GPD2: variants seen among roughly 807,000 people sequenced by gnomAD.
GPD2 encodes the protein glycerol-3-phosphate dehydrogenase 2.
A neutral mutation model predicts 82.4 loss-of-function variants in GPD2; 54 were observed. The ratio of observed to expected loss-of-function variants is 0.66; its 90% confidence interval spans 0.53 to 0.82. The LOEUF is 0.82. Among genes scored for constraint, GPD2 ranks in the 40% least tolerant of loss-of-function variants. GPD2 has a pLI of 0.00. For synonymous variants in GPD2, 288 were observed against 306.1 expected, an observed-to-expected ratio of 0.94 and a Z score of 0.62; for missense variants, 748 against 896.2, an observed-to-expected ratio of 0.83 and a Z score of 2.11.
intron 1 of GPD2, among the ~76,000 whole-genome samples, chr2:156,475,326 T>A (rs1290429296): frequency 6.6e-6 from 1 of 152,138 alleles, no homozygotes; most frequent in Non-Finnish European, 1.5e-5. Context: ...TTCTTATCTG[T>A]AAAGTATACT....
the GPD2 span, among the ~76,000 whole-genome samples, chr2:156,401,385 T>C: frequency 1.4e-5 from 2 of 142,404 alleles, no homozygotes; most frequent in Admixed American, 7.0e-5. Context: ...ATTTTCATTA[T>C]ACTACTTTAG....
intron 2 of GPD2, among the ~76,000 whole-genome samples, chr2:156,485,703 A>G (rs1164094931): frequency 1.3e-5 from 2 of 152,234 alleles, no homozygotes; most frequent in Non-Finnish European, 2.9e-5. Context: ...GCAATTACCC[A>G]GGAACCTATG....
At chr2:156,541,145 TGA>T (rs1686294594) in intron 6 of GPD2, among the ~76,000 whole-genome samples, 1 of 152,232 alleles carries the variant, frequency 6.6e-6, no homozygotes, top group South Asian at 2.1e-4. Flanking sequence ...CTTCCACAGC[TGA>T]GAGATCAAAC....
chr2:156,416,180 A>G, the GPD2 span, among the ~76,000 whole-genome samples: 2 of 151,812 alleles, frequency 1.3e-5, no homozygotes, highest in African/African-American at 4.8e-5. Context: ...ATACATATAT[A>G]TATATATGTA....
intron 2 of GPD2, among the ~76,000 whole-genome samples, chr2:156,477,106 A>G (rs1683540546): frequency 6.6e-6 from 1 of 152,140 alleles, no homozygotes; most frequent in African/African-American, 2.4e-5. Flanking sequence ...ATTGCTTGCA[A>G]TCCCATATCC....
chr2:156,417,571 G>A, the GPD2 span, among the ~76,000 whole-genome samples: 3 of 151,932 alleles, frequency 2.0e-5, no homozygotes, highest in African/African-American at 7.3e-5. Context: ...CTGTTAGTTC[G>A]TGAGATGCTT....
At chr2:156,421,120 G>T in the GPD2 span, among the ~76,000 whole-genome samples, 1 of 152,174 alleles carries the variant, frequency 6.6e-6, no homozygotes, top group Admixed American at 6.5e-5. Flanking sequence ...TAAGTTCCCA[G>T]GTGAAGCTTT....
chr2:156,518,610 T>C (rs951928524), intron 6 of GPD2, among the ~76,000 whole-genome samples: 12 of 152,202 alleles, frequency 7.9e-5, no homozygotes, highest in African/African-American at 2.7e-4. Context: ...TTTTAAGGTG[T>C]TGATTTTATC....
chr2:156,474,288 T>C (rs991653175), intron 1 of GPD2, among the ~76,000 whole-genome samples: 1 of 152,250 alleles, frequency 6.6e-6, no homozygotes, highest in East Asian at 1.9e-4. Context: ...ATCATAGTTA[T>C]CAACTATATT....
chr2:156,532,630 GCT>G (rs1685911025), intron 6 of GPD2, among the ~76,000 whole-genome samples: 1 of 152,140 alleles, frequency 6.6e-6, no homozygotes, highest in Non-Finnish European at 1.5e-5. Context: ...GATCCTAGCA[GCT>G]CTTTTATTGA....
chr2:156,555,718 T>A (rs1292970224), intron 8 of GPD2, among the ~76,000 whole-genome samples: 1 of 152,168 alleles, frequency 6.6e-6, no homozygotes, highest in African/African-American at 2.4e-5. Flanking sequence ...GAAAAAATAA[T>A]CATATTTAGA....
In GPD2 at chr2:156,582,999, T is replaced by A; in HGVS notation, c.*81T>A. 1 of 1,442,006 alleles carries A rather than the reference T, an allele frequency of 6.9e-7. No individual in the cohort carries two copies. The highest frequency in any genetic ancestry group is 9.7e-7 in the Non-Finnish European group (1 of 1,027,742). 89.3% of individuals were successfully genotyped at this position (1,442,006 alleles called of 1,614,324 possible). On this transcript the variant is annotated 3_prime_UTR_variant, in exon 17 of 17. Coordinates refer to ENST00000438166, the MANE Select transcript of GPD2 (RefSeq NM_000408.5). ...CAACCAGAGATGACTGAAACCACTC[T>A]GAAATAATGAATGTGGATAGCTGCC...
intron 1 of GPD2, among the ~76,000 whole-genome samples, chr2:156,471,737 C>G (rs1360351811): frequency 6.6e-6 from 1 of 152,110 alleles, no homozygotes; most frequent in Non-Finnish European, 1.5e-5. Context: ...GATATAGCAC[C>G]TTGCTTTTTT....
chr2:156,539,495 A>G (rs1284907914), intron 6 of GPD2, among the ~76,000 whole-genome samples: 2 of 152,172 alleles, frequency 1.3e-5, no homozygotes, highest in Non-Finnish European at 2.9e-5. Context: ...GACTGATTTG[A>G]TAACAATTTG....
At chr2:156,529,814 C>A (rs1304099186) in intron 6 of GPD2, among the ~76,000 whole-genome samples, 1 of 151,960 alleles carries the variant, frequency 6.6e-6, no homozygotes, top group Non-Finnish European at 1.5e-5. Flanking sequence ...GTTTTCGTAC[C>A]AGTACCATGC....
Position 156,579,107 on chromosome 2 carries a change from G to A in GPD2, c.1902G>A (p.Lys634=), listed in dbSNP as rs1281864789. 3 of 1,608,260 alleles carry A rather than the reference G, an allele frequency of 1.9e-6. No individual in the cohort carries two copies. The highest frequency in any genetic ancestry group is 2.6e-6 in the Non-Finnish European group (3 of 1,175,222). ...CCAGGTATAAGAAGAGATTTCATAA[G>A]TTTGATGCAGACCAGAAAGGCTTTA... ...DIDRYKKRFH[K]FDADQKGFIT... The change falls in exon 15 of 17, where the codon AAG becomes AAA. Residue 634 remains lysine, a synonymous_variant. Coordinates refer to ENST00000438166, the MANE Select transcript of GPD2 (RefSeq NM_000408.5).
intron 2 of GPD2, among the ~76,000 whole-genome samples, chr2:156,486,923 C>T (rs535760348): frequency 1.4e-4 from 21 of 152,328 alleles, no homozygotes; most frequent in African/African-American, 5.1e-4. Flanking sequence ...CTCAGTTGGG[C>T]ATCATTTTAT....
At chr2:156,441,088 C>T (rs1682158761) in intron 1 of GPD2, among the ~76,000 whole-genome samples, 1 of 152,116 alleles carries the variant, frequency 6.6e-6, no homozygotes, top group African/African-American at 2.4e-5. Context: ...CATCATGGAG[C>T]CTTCATAAAA....
chr2:156,479,797 T>G (rs1165602563), intron 2 of GPD2, among the ~76,000 whole-genome samples: 1 of 152,120 alleles, frequency 6.6e-6, no homozygotes, highest in Admixed American at 6.5e-5. Flanking sequence ...TTAGAGTGGC[T>G]TCTTCTTCAT....
Sources: allele counts gnomAD v4.1 joint callset (sites outside exome capture counted in the v4.1 genomes callset), GRCh38; gene constraint gnomAD v4.1.1; transcripts MANE v1.5; gene names NCBI Gene and HGNC (gene_info 2026-07-23, HGNC 2026-07-21).